Variants in KCNJ16 observed in about 807,000 individuals in gnomAD.
The protein encoded by KCNJ16 is potassium inwardly rectifying channel subfamily J member 16.
A neutral mutation model predicts 18.5 loss-of-function variants in KCNJ16; 15 were observed. That is an observed-to-expected ratio of 0.81 (90% CI 0.54 to 1.25). The LOEUF (loss-of-function observed/expected upper bound fraction) is 1.25, where lower values mean the gene tolerates loss of function less well. KCNJ16 is among the 50% of genes most tolerant of loss of function. The pLI is 0.00. For missense variants in KCNJ16, 523 were observed against 525.7 expected (o/e 0.99, Z 0.05); for synonymous variants, 174 against 186.5 (o/e 0.93, Z 0.55).
At chr17:70,099,762 C>A (rs537059635) in intron 1 of KCNJ16, among the ~76,000 whole-genome samples, 1 of 152,252 alleles carries the variant, frequency 6.6e-6, no homozygotes, top group East Asian at 1.9e-4. Context: ...ATAATTCGCT[C>A]AAATTCACAC....
In KCNJ16 at chr17:70,133,277, A is replaced by G. The variant is rs1253288558; in HGVS notation, c.1190A>G (p.Tyr397Cys). ...ACCACCACTTCCGCCACACATGAAT[A>G]TAGGGAAACACCTTATCAGAAAGCT... is the stretch of plus-strand genomic sequence containing the variant. ...EETTTSATHE[Y>C]RETPYQKALL... Residue 397 changes from tyrosine (Y) to cysteine (C), a missense_variant, in exon 4 of 4, where the codon TAT becomes TGT. Physicochemically the swap from Tyr to Cys is radical, Grantham distance 194. Coordinates refer to ENST00000392671, the MANE Select transcript of KCNJ16 (RefSeq NM_170741.4). The G allele has an allele frequency of 1.9e-6, 3 of 1,614,010 alleles. No homozygotes were observed. Among genetic ancestry groups the G allele is most frequent in the Non-Finnish European group, 2.5e-6 (3 of 1,179,990 alleles).
Position 70,133,475 on chromosome 17 carries a change from T to C in KCNJ16, c.*131T>C. 1 of 702,242 alleles carries C rather than the reference T, an allele frequency of 1.4e-6. No individual in the cohort carries two copies. Among genetic ancestry groups the C allele is most frequent in the Non-Finnish European group, 2.3e-6 (1 of 434,918 alleles). 43.5% of individuals were successfully genotyped at this position (702,242 alleles called of 1,614,324 possible). On this transcript the variant is annotated 3_prime_UTR_variant, in exon 4 of 4. Coordinates refer to ENST00000392671, the MANE Select transcript of KCNJ16 (RefSeq NM_170741.4). ...ATGATGCTGGGTAAGTAGAGTAAGT[T>C]AAACTTGGTAAAAGATAATCTAAAA...
chr17:70,096,815 G>T, intron 1 of KCNJ16: 1 of 394,004 alleles, frequency 2.5e-6, no homozygotes, highest in South Asian at 1.3e-4. Context: ...AGCTTCTACT[G>T]GTAAAGCAAG....
intron 1 of KCNJ16, among the ~76,000 whole-genome samples, chr17:70,097,576 T>C (rs777973429): frequency 4.6e-5 from 7 of 152,136 alleles, no homozygotes; most frequent in Admixed American, 4.6e-4. Flanking sequence ...CAGGCCCTCA[T>C]CGCAGCCCCA....
chr17:70,080,951 CT>C (rs2071527498), intron 1 of KCNJ16, among the ~76,000 whole-genome samples: 1 of 152,194 alleles, frequency 6.6e-6, no homozygotes, highest in Non-Finnish European at 1.5e-5. Flanking sequence ...CTTAATAGCT[CT>C]CACCAGCCAG....
At position 70,132,310 on chromosome 17, in the gene KCNJ16, G is replaced by T; in HGVS notation, c.223G>T (p.Val75Leu). The change falls in exon 4 of 4, where the codon GTG becomes TTG. Residue 75 changes from valine to leucine, a missense_variant. Physicochemically the swap from Val to Leu is conservative, Grantham distance 32. Transcript: ENST00000392671. ...LVDTKWRHMFVIFSLSYILSW... is the reference protein window; with the variant it reads ...LVDTKWRHMFLIFSLSYILSW... Reference sequence around the variant, plus strand: ...GGACACCAAGTGGCGCCATATGTTTGTGATATTTTCTTTATCTTATATTCT... The same window carrying T: ...GGACACCAAGTGGCGCCATATGTTTTTGATATTTTCTTTATCTTATATTCT... The T allele has an allele frequency of 6.2e-7, 1 of 1,614,192 alleles. No individual in the cohort carries two copies. The highest frequency in any genetic ancestry group is 8.5e-7 in the Non-Finnish European group (1 of 1,180,032).
chr17:70,087,275 A>G (rs2071846876), intron 1 of KCNJ16, among the ~76,000 whole-genome samples: 1 of 152,184 alleles, frequency 6.6e-6, no homozygotes, highest in Admixed American at 6.5e-5. Context: ...AGACTCAGGT[A>G]AATTAAGTGA....
intron 1 of KCNJ16, among the ~76,000 whole-genome samples, chr17:70,088,294 G>A (rs1294537783): frequency 6.6e-6 from 1 of 152,140 alleles, no homozygotes; most frequent in African/African-American, 2.4e-5. Flanking sequence ...CATAAGGAGC[G>A]CACAACCTAG....
chr17:70,101,515 A>G (rs1261276451), intron 2 of KCNJ16: 1 of 152,206 alleles, frequency 6.6e-6, no homozygotes, highest in African/African-American at 2.4e-5. Flanking sequence ...TTTGATTTGT[A>G]AAAGACTCAG....
chr17:70,094,213 A>G (rs905519754), intron 1 of KCNJ16, among the ~76,000 whole-genome samples: 12 of 152,240 alleles, frequency 7.9e-5, no homozygotes, highest in African/African-American at 2.2e-4. Flanking sequence ...ATTTGCATTT[A>G]CTTAAGGCTT....
chr17:70,095,870 CTTTTTT>C (rs147216245), intron 1 of KCNJ16, among the ~76,000 whole-genome samples: 31 of 95,398 alleles, frequency 3.2e-4, no homozygotes, highest in East Asian at 1.6e-3. Flanking sequence ...TTACTTAATC[CTTTTTT>C]TTTTTTTTTT....
intron 2 of KCNJ16, among the ~76,000 whole-genome samples, chr17:70,127,357 G>A (rs1387948386): frequency 6.6e-6 from 1 of 152,068 alleles, no homozygotes; most frequent in African/African-American, 2.4e-5. Context: ...AGAGTTCAGT[G>A]GCCGAATGAA....
chr17:70,093,730 T>C (rs2072228675), intron 1 of KCNJ16, among the ~76,000 whole-genome samples: 1 of 152,190 alleles, frequency 6.6e-6, no homozygotes. Flanking sequence ...TTCTTTCTTT[T>C]ACTGTGCTTT....
At chr17:70,078,996 A>T (rs1265264761) in intron 1 of KCNJ16, among the ~76,000 whole-genome samples, 2 of 152,182 alleles carry the variant, frequency 1.3e-5, no homozygotes, top group Admixed American at 6.5e-5. Context: ...CAGTTCTCTT[A>T]AAATGGTCTT....
intron 2 of KCNJ16, among the ~76,000 whole-genome samples, chr17:70,110,422 T>G (rs1052273027): frequency 1.3e-4 from 20 of 151,952 alleles, no homozygotes; most frequent in African/African-American, 4.8e-4. Context: ...ACGAGGAGAC[T>G]GGAATGTTGA....
intron 1 of KCNJ16, among the ~76,000 whole-genome samples, chr17:70,093,961 CAAAT>C (rs1236082207): frequency 2.0e-5 from 3 of 150,584 alleles, no homozygotes; most frequent in Non-Finnish European, 4.4e-5. Flanking sequence ...AAAAAAAAAA[CAAAT>C]AAAAAGGGCA....
At chr17:70,116,066 T>C (rs1184706345) in intron 2 of KCNJ16, among the ~76,000 whole-genome samples, 1 of 152,200 alleles carries the variant, frequency 6.6e-6, no homozygotes, top group Non-Finnish European at 1.5e-5. Flanking sequence ...TACTGTTAAA[T>C]TTTAGAGAAT....
At chr17:70,111,822 A>T (rs1343593250) in intron 2 of KCNJ16, among the ~76,000 whole-genome samples, 2 of 152,118 alleles carry the variant, frequency 1.3e-5, no homozygotes, top group Admixed American at 1.3e-4. Context: ...TGCTGCTGCC[A>T]AGTAAGAAGT....
chr17:70,122,654 C>A (rs1467742583), intron 2 of KCNJ16, among the ~76,000 whole-genome samples: 3 of 152,142 alleles, frequency 2.0e-5, no homozygotes, highest in African/African-American at 7.2e-5. Context: ...TGAGCAGAAA[C>A]AAGAGGAAAG....
Sources: allele counts gnomAD v4.1 joint callset (sites outside exome capture counted in the v4.1 genomes callset), GRCh38; gene constraint gnomAD v4.1.1; transcripts MANE v1.5; gene names NCBI Gene and HGNC (gene_info 2026-07-23, HGNC 2026-07-21).